PRKCH: variants seen among roughly 807,000 people sequenced by gnomAD.
PRKCH encodes protein kinase C eta type.
In PRKCH, 28 loss-of-function variants were observed where a neutral mutation model predicts 82.5. That is an observed-to-expected ratio of 0.34 (90% CI 0.25 to 0.47). The LOEUF is 0.47. Ranked by LOEUF, PRKCH falls within the 20% of genes least tolerant of loss-of-function variation. PRKCH has a pLI of 1.00. For missense variants in PRKCH, 705 were observed against 881.8 expected, an observed-to-expected ratio of 0.80 and a Z score of 2.54; for synonymous variants, 322 against 327.4, an observed-to-expected ratio of 0.98 and a Z score of 0.18.
intron 1 of PRKCH, among the ~76,000 whole-genome samples, chr14:61,372,266 G>A (rs2046372450): frequency 6.6e-6 from 1 of 151,986 alleles, no homozygotes; most frequent in Non-Finnish European, 1.5e-5. Context: ...TTGCTACTGA[G>A]GTGTCATTGC....
intron 2 of PRKCH, among the ~76,000 whole-genome samples, chr14:61,426,887 A>C (rs530264217): frequency 3.2e-4 from 48 of 152,358 alleles, no homozygotes; most frequent in African/African-American, 9.1e-4. Context: ...AGTGGATTAG[A>C]AACTGTTTGT....
intron 1 of PRKCH, among the ~76,000 whole-genome samples, chr14:61,382,353 C>T (rs2046523383): frequency 6.6e-6 from 1 of 152,016 alleles, no homozygotes; most frequent in South Asian, 2.1e-4. Context: ...TGGCTTGAGC[C>T]CAGGAGATGG....
chr14:61,416,889 G>A (rs189800419), intron 2 of PRKCH, among the ~76,000 whole-genome samples: 8 of 152,254 alleles, frequency 5.3e-5, no homozygotes, highest in Admixed American at 1.3e-4. Context: ...AGGGCTTAGC[G>A]GTCCTGTCTC....
chr14:61,354,404 TTGTGTGTGTG>T (rs3028729), intron 1 of PRKCH, among the ~76,000 whole-genome samples: 2,154 of 148,424 alleles, frequency 0.015, 53 homozygotes, highest in African/African-American at 0.048. Context: ...CTGTTTCTAT[TTGTGTGTGTG>T]TGTGTGTGTG....
At chr14:61,390,987 A>G in intron 1 of PRKCH, 1 of 400,424 alleles carries the variant, frequency 2.5e-6, no homozygotes, top group Non-Finnish European at 4.4e-6. Flanking sequence ...CAAGCCAAAA[A>G]TGGGAGAGAA....
intron 1 of PRKCH, among the ~76,000 whole-genome samples, chr14:61,384,866 G>A (rs1382352608): frequency 6.6e-6 from 1 of 151,996 alleles, no homozygotes; most frequent in Non-Finnish European, 1.5e-5. Context: ...TTGTGTTTAT[G>A]TTTTCTTCTC....
In PRKCH at chr14:61,207,632, A is replaced by G. The variant is rs75463878; in HGVS notation, c.-19+19964A>G. Among the ~76,000 whole-genome samples, 1,331 of 151,668 alleles carry G rather than the reference A, an allele frequency of 8.8e-3. 12 individuals carry two copies. Among genetic ancestry groups the G allele is most frequent in the African/African-American group, 0.031 (1,271 of 40,988 alleles). On this transcript the variant is annotated intron_variant, in intron 1 of 3. Transcript: ENST00000555185. ...AATTATGGATCCATTAAGAGCTACT[A>G]TTTATTGGGTACCTAGTGTCTGCTA...
At chr14:61,233,663 C>T (rs895659156) in intron 1 of PRKCH, among the ~76,000 whole-genome samples, 6 of 152,148 alleles carry the variant, frequency 3.9e-5, no homozygotes, top group African/African-American at 9.7e-5. Flanking sequence ...TACCCTCATG[C>T]TGTTCTTATA....
intron 1 of PRKCH, among the ~76,000 whole-genome samples, chr14:61,357,348 A>G (rs1209976191): frequency 6.6e-6 from 1 of 152,190 alleles, no homozygotes; most frequent in Non-Finnish European, 1.5e-5. Flanking sequence ...AACTTCTTAG[A>G]ATGAGCTCCT....
intron 1 of PRKCH, among the ~76,000 whole-genome samples, chr14:61,331,042 A>T (rs935845036): frequency 6.6e-6 from 1 of 152,224 alleles, no homozygotes; most frequent in African/African-American, 2.4e-5. Context: ...CCTGAGCTGC[A>T]TGCAGCCTAT....
intron 1 of PRKCH, among the ~76,000 whole-genome samples, chr14:61,239,818 T>A (rs2044820663): frequency 6.6e-6 from 1 of 152,216 alleles, no homozygotes; most frequent in Non-Finnish European, 1.5e-5. Flanking sequence ...TTCTGGGAGA[T>A]GGCTCTGAGG....
At chr14:61,200,776 TTTA>T (rs1311458852) in intron 1 of PRKCH, among the ~76,000 whole-genome samples, 3 of 129,998 alleles carry the variant, frequency 2.3e-5, no homozygotes, top group African/African-American at 6.5e-5. Flanking sequence ...AGTGTTCTAT[TTTA>T]TTATTATTAT....
At chr14:61,199,839 T>A (rs147213455) in intron 1 of PRKCH, among the ~76,000 whole-genome samples, 33 of 152,330 alleles carry the variant, frequency 2.2e-4, no homozygotes, top group African/African-American at 7.2e-4. Context: ...GAATATTCAT[T>A]CCTAGAACAT....
At chr14:61,295,487 A>G (rs2045398865) in intron 1 of PRKCH, among the ~76,000 whole-genome samples, 3 of 152,198 alleles carry the variant, frequency 2.0e-5, no homozygotes, top group Admixed American at 2.0e-4. Flanking sequence ...CTTACTAAAT[A>G]TGGGACCTCA....
intron 9 of PRKCH, among the ~76,000 whole-genome samples, chr14:61,481,870 C>T (rs887739888): frequency 6.6e-6 from 1 of 152,076 alleles, no homozygotes; most frequent in African/African-American, 2.4e-5. Flanking sequence ...CAGCAGCTAT[C>T]ACTTACTGCA....
At chr14:61,382,593 G>A (rs1470957530) in intron 1 of PRKCH, among the ~76,000 whole-genome samples, 1 of 152,130 alleles carries the variant, frequency 6.6e-6, no homozygotes, top group African/African-American at 2.4e-5. Context: ...ATCATGAAAT[G>A]CTTTATCATG....
At chr14:61,427,748 A>T (rs976244423) in intron 2 of PRKCH, among the ~76,000 whole-genome samples, 1 of 152,052 alleles carries the variant, frequency 6.6e-6, no homozygotes, top group African/African-American at 2.4e-5. Flanking sequence ...CACCATGCCC[A>T]GCTAATTTTT....
intron 1 of PRKCH, among the ~76,000 whole-genome samples, chr14:61,379,797 G>A (rs1229891156): frequency 2.0e-5 from 3 of 152,190 alleles, no homozygotes; most frequent in Non-Finnish European, 2.9e-5. Flanking sequence ...TGTCACTTCT[G>A]TTTAGTACCT....
chr14:61,535,515 C>T (rs2043096118), intron 12 of PRKCH, among the ~76,000 whole-genome samples: 1 of 152,108 alleles, frequency 6.6e-6, no homozygotes, highest in Non-Finnish European at 1.5e-5. Context: ...AGGAGCAGTC[C>T]ATTTGAGTAG....
Sources: gnomAD v4.1 joint callset for allele counts (sites outside exome capture counted in the v4.1 genomes callset) on GRCh38, gnomAD v4.1.1 for gene constraint, MANE v1.5 for transcripts, NCBI Gene and HGNC (gene_info 2026-07-23, HGNC 2026-07-21) for gene names.